Variants in AGAP6 observed in about 807,000 individuals in gnomAD.
The protein encoded by AGAP6 is ArfGAP with GTPase domain, ankyrin repeat and PH domain 6, also known as arf-GAP with GTPase, ANK repeat and PH domain-containing protein 6.
A neutral mutation model predicts 63.9 loss-of-function variants in AGAP6; 29 were observed. The observed-to-expected ratio is 0.45, with a 90% CI of 0.34 to 0.62. The LOEUF (loss-of-function observed/expected upper bound fraction) is 0.62, where lower values mean the gene tolerates loss of function less well. AGAP6 is among the 20% of genes least tolerant of loss of function. AGAP6 has a pLI of 0.01. For synonymous variants in AGAP6, 199 were observed against 332.9 expected (o/e 0.60, Z 4.38); for missense variants, 493 against 884.9 (o/e 0.56, Z 5.62).
At chr10:49,989,197 A>G in intron 1 of AGAP6, 111 bp from the exon 2 acceptor site, 2 of 1,515,096 alleles carry the variant, frequency 1.3e-6, no homozygotes, top group Non-Finnish European at 8.8e-7. Flanking sequence ...CCAGGCTGGC[A>G]TGGGACCATT....
At chr10:49,990,434 G>A (rs1401473162) in intron 2 of AGAP6, among the ~76,000 whole-genome samples, 2 of 152,236 alleles carry the variant, frequency 1.3e-5, no homozygotes. Context: ...GACAGAGCGA[G>A]ACTCCGTCTC....
At position 50,009,913 on chromosome 10, in the gene AGAP6, T is replaced by C; in HGVS notation, c.1788T>C (p.Ala596=). 1 of 1,611,954 alleles carries C rather than the reference T, an allele frequency of 6.2e-7. No homozygotes were observed. Among genetic ancestry groups the C allele is most frequent in the East Asian group, 2.2e-5 (1 of 44,878 alleles). ...GCCAGCAGCTGCTGCGGGCCACCGC[T>C]GATGAGGACCTGCAGACAGCCATCC... ...SLGQQLLRAT[A]DEDLQTAILL... is the part of the protein sequence containing the mutation. The change falls in exon 8 of 8, where the codon GCT becomes GCC. Residue 596 remains alanine, a synonymous_variant. Coordinates refer to ENST00000412531, the MANE Select transcript of AGAP6 (RefSeq NM_001077665.3).
intron 1 of AGAP6, 122 bp from the exon 2 acceptor site, chr10:49,989,185 TC>T (rs1462183350): frequency 6.7e-7 from 1 of 1,485,188 alleles, no homozygotes; most frequent in African/African-American, 1.4e-5. Context: ...CATCTCATTC[TC>T]CCAGGCTGGC....
chr10:50,009,608 G>A lies in AGAP6; in HGVS notation c.1483G>A (p.Gly495Arg). 2 of 1,614,050 alleles carry A rather than the reference G, an allele frequency of 1.2e-6. No individual in the cohort carries two copies. The highest frequency in any genetic ancestry group is 1.7e-6 in the Non-Finnish European group (2 of 1,179,956). ...QNPKWASLNL[G>R]VLMCIECSGI... ...TCCTAAGTGGGCCAGTTTGAACTTG[G>A]GAGTCCTCATGTGTATTGAATGCTC... is the stretch of plus-strand genomic sequence containing the variant. Residue 495 changes from glycine (G) to arginine (R), a missense_variant, in exon 8 of 8, where the codon GGA becomes AGA. By Grantham distance (125) the Gly-to-Arg change is moderately radical. This residue lies in a region of AGAP6 where 87 missense variants were observed against 92.9 expected (regional missense o/e 0.94). Coordinates refer to ENST00000412531, the MANE Select transcript of AGAP6 (RefSeq NM_001077665.3).
chr10:50,004,766 G>A (rs1401753273), intron 6 of AGAP6, 46 bp downstream of exon 6: 1 of 649,192 alleles, frequency 1.5e-6, no homozygotes, highest in South Asian at 1.8e-5. Flanking sequence ...TAATTACTTT[G>A]CAAGATATCA....
rs1347065155 is a variant in AGAP6, at chr10:49,990,014, G to A, written c.292+638G>A. Among the ~76,000 whole-genome samples the A allele has an allele frequency of 2.0e-5, 3 of 152,374 alleles. No individual in the cohort carries two copies. The East Asian group carries it at 5.8e-4, about 29-fold the overall frequency. The stretch of plus-strand genomic sequence containing the variant: ...CTTTCAAAAGACATGAAACGTCAAT[G>A]TAGACTTTTAATGTGTAATATAAAG... On this transcript the variant is annotated intron_variant, in intron 2 of 7. Coordinates refer to ENST00000412531, the MANE Select transcript of AGAP6 (RefSeq NM_001077665.3).
intron 6 of AGAP6, among the ~76,000 whole-genome samples, chr10:50,005,948 A>C (rs1156364216): frequency 1.8e-4 from 27 of 148,214 alleles, no homozygotes; most frequent in Admixed American, 4.0e-4. Context: ...CAATAAGATG[A>C]CCTAACCTCA....
chr10:49,997,917 A>G (rs1343116485), intron 4 of AGAP6, among the ~76,000 whole-genome samples: 22 of 129,136 alleles, frequency 1.7e-4, no homozygotes, highest in African/African-American at 5.9e-4. Flanking sequence ...CACTTAGAAT[A>G]ATAGTCTTAC....
At chr10:49,991,598 G>T (rs1333657924) in intron 2 of AGAP6, 78 bp from the exon 3 acceptor site, 3 of 1,573,118 alleles carry the variant, frequency 1.9e-6, no homozygotes, top group Non-Finnish European at 2.6e-6. Flanking sequence ...TAGCCTAAAT[G>T]CAGCAGTCGA....
At position 50,009,634 on chromosome 10, in the gene AGAP6, A is replaced by G; in HGVS notation, c.1509A>G (p.Ser503=). 1 of 1,613,018 alleles carries G rather than the reference A, an allele frequency of 6.2e-7. No individual in the cohort carries two copies. The highest frequency in any genetic ancestry group is 8.5e-7 in the Non-Finnish European group (1 of 1,179,224). Residue 503 remains serine, a synonymous_variant, in exon 8 of 8, where the codon TCA becomes TCG. Transcript: ENST00000412531. ...GAGTCCTCATGTGTATTGAATGCTC[A>G]GGTATCCACCGCAGTCTTGGCCCCC... ...NLGVLMCIEC[S]GIHRSLGPHL...
At position 49,991,759 on chromosome 10, in the gene AGAP6, T is replaced by C. The variant is rs782610842; in HGVS notation, c.361+15T>C. On this transcript the variant is annotated intron_variant, in intron 3 of 7. Coordinates refer to ENST00000412531, the MANE Select transcript of AGAP6 (RefSeq NM_001077665.3). ...TCAAACAGATGGTGAGACGACATTGTCTTTTCCACCAAGAGAAAGAATAAA... is the reference window on the plus strand; with the variant it reads ...TCAAACAGATGGTGAGACGACATTGCCTTTTCCACCAAGAGAAAGAATAAA... 6.3e-7 allele frequency: 1 copy of C among 1,598,246 alleles called. No homozygotes were observed. Among genetic ancestry groups the C allele is most frequent in the African/African-American group, 1.3e-5 (1 of 74,986 alleles).
At chr10:49,993,960 T>C (rs1384958408) in intron 3 of AGAP6, among the ~76,000 whole-genome samples, 3 of 152,192 alleles carry the variant, frequency 2.0e-5, no homozygotes, top group Non-Finnish European at 4.4e-5. Context: ...TTCTGTTGCA[T>C]CTAGAGATAG....
At chr10:49,990,742 T>G (rs1554860689) in intron 2 of AGAP6, among the ~76,000 whole-genome samples, 1 of 152,234 alleles carries the variant, frequency 6.6e-6, no homozygotes, top group African/African-American at 2.4e-5. Flanking sequence ...AGCTCTTCTA[T>G]TTAAACTTTG....
intron 2 of AGAP6, among the ~76,000 whole-genome samples, chr10:49,990,485 CT>C (rs1378306250): frequency 6.6e-6 from 1 of 152,166 alleles, no homozygotes; most frequent in East Asian, 1.9e-4. Context: ...TTTTTAGTCT[CT>C]ATGCTGTTGG....
chr10:49,996,780 G>A (rs1841508073), intron 4 of AGAP6, among the ~76,000 whole-genome samples: 1 of 149,186 alleles, frequency 6.7e-6, no homozygotes, highest in Admixed American at 6.7e-5. Flanking sequence ...ACTTTCCAAA[G>A]TGCCATTGGC....
chr10:50,007,450 G>C (rs1297178421), intron 6 of AGAP6, among the ~76,000 whole-genome samples: 1 of 109,926 alleles, frequency 9.1e-6, no homozygotes, highest in African/African-American at 3.2e-5. Flanking sequence ...CCTTCTGGAA[G>C]GGGTCTTCGG....
chr10:49,989,823 G>T (rs1841198921), intron 2 of AGAP6, among the ~76,000 whole-genome samples: 1 of 152,216 alleles, frequency 6.6e-6, no homozygotes, highest in Non-Finnish European at 1.5e-5. Flanking sequence ...AAATGGTTGT[G>T]TGTGTGTGTT....
At chr10:49,996,731 C>A (rs370738539) in intron 4 of AGAP6, among the ~76,000 whole-genome samples, 22 of 145,612 alleles carry the variant, frequency 1.5e-4, no homozygotes, top group Admixed American at 1.1e-3. Flanking sequence ...TTGCAACTGA[C>A]CTTGCTGGCT....
intron 4 of AGAP6, among the ~76,000 whole-genome samples, chr10:49,998,370 C>T (rs1554862400): frequency 8.8e-6 from 1 of 113,344 alleles, no homozygotes; most frequent in African/African-American, 3.5e-5. Flanking sequence ...TGTCCTTGAT[C>T]CATCTTGAGT....
Sources: allele counts gnomAD v4.1 joint callset (sites outside exome capture counted in the v4.1 genomes callset), GRCh38; gene constraint gnomAD v4.1.1; regional missense constraint gnomAD v4.1.1; transcripts MANE v1.5; gene names NCBI Gene and HGNC (gene_info 2026-07-23, HGNC 2026-07-21).